Variants in MNT observed in about 807,000 individuals in gnomAD.
MNT encodes the protein MAX network transcriptional repressor.
A neutral mutation model predicts 40.7 loss-of-function variants in MNT; 13 were observed. That is an observed-to-expected ratio of 0.32 (90% confidence interval 0.21 to 0.51). The LOEUF is 0.51. Ranked by LOEUF, MNT falls within the 20% of genes least tolerant of loss-of-function variation. The pLI is 0.98. For missense variants in MNT, 757 were observed against 792.0 expected, an observed-to-expected ratio of 0.96 and a Z score of 0.53; for synonymous variants, 426 against 354.8, an observed-to-expected ratio of 1.20 and a Z score of -2.26.
intron 4 of MNT, among the ~76,000 whole-genome samples, chr17:2,393,411 G>A (rs1428690745): frequency 2.6e-5 from 4 of 152,222 alleles, no homozygotes; most frequent in Non-Finnish European, 5.9e-5. Flanking sequence ...CCTAGCCCAG[G>A]AGGAAGGAAA....
chr17:2,394,063 T>A lies in MNT; in HGVS notation c.787A>T (p.Thr263Ser). The change falls in exon 4 of 6, where the codon ACG becomes TCG. Residue 263 changes from threonine (T) to serine (S), a missense_variant. Physicochemically the swap from Thr to Ser is moderately conservative, Grantham distance 58. Coordinates refer to ENST00000174618, the MANE Select transcript of MNT (RefSeq NM_020310.3). ...CATACCTGGATGTACCGCAGCGCCG[T>A]CCGCAGCACGCTCAGATTGGACGTC... ...KKTSNLSVLR[T>S]ALRYIQSLKR... The A allele has an allele frequency of 1.2e-6, 2 of 1,604,450 alleles. No individual in the cohort carries two copies. Among genetic ancestry groups the A allele is most frequent in the Non-Finnish European group, 1.7e-6 (2 of 1,176,122 alleles).
At chr17:2,395,598 C>A in intron 1 of MNT, 144 bp from the exon 2 acceptor site, 1 of 1,435,446 alleles carries the variant, frequency 7.0e-7, no homozygotes, top group Non-Finnish European at 9.2e-7. Flanking sequence ...ACCAGCCCAG[C>A]CAGGCACGGG....
At position 2,394,261 on chromosome 17, in the gene MNT, G is replaced by GCA. The variant is rs779928089; in HGVS notation, c.695+43_695+44insTG. The GCA allele has an allele frequency of 2.6e-6, 4 of 1,530,172 alleles. No individual in the cohort carries two copies. The African/African-American group carries it at 7.2e-5, about 28-fold the overall frequency. The allele number at this position is 1,530,172 out of a possible 1,614,324, so 94.8% of individuals were successfully genotyped here. A position where few individuals can be genotyped will look rare whatever the true frequency, so the allele number is the denominator to read the frequency against. ...CGAGGGCCGCCGGGGCCCGGGTCGC[G>GCA]CGCGCACGCACGCACGCACACACAC... On this transcript the variant is annotated intron_variant, in intron 3 of 5. Coordinates refer to ENST00000174618, the MANE Select transcript of MNT (RefSeq NM_020310.3).
chr17:2,398,638 G>C (rs2066593019), intron 1 of MNT, among the ~76,000 whole-genome samples: 1 of 152,172 alleles, frequency 6.6e-6, no homozygotes, highest in Non-Finnish European at 1.5e-5. Flanking sequence ...ACCTCTGACC[G>C]GCACACAGAA....
chr17:2,392,853 C>T (rs1030619854), intron 4 of MNT: 3 of 152,066 alleles, frequency 2.0e-5, no homozygotes, highest in African/African-American at 7.2e-5. Flanking sequence ...CAGCCCCGCC[C>T]CCTGGCCGGG....
rs750773922 is a variant in MNT at position 2,387,429 on chromosome 17, G to A, written c.1221C>T (p.Thr407=). ...GTGGGGGAGGAGGGGCTGGCAGAGG[G>A]GTCTTCTGCTGTGGCTGCTGCTGCT... ...PVQQQQPQQK[T]PLPAPPPPPA... Residue 407 remains threonine, a synonymous_variant, in exon 6 of 6, where the codon ACC becomes ACT. Transcript: ENST00000174618. 29 of 1,612,014 alleles carry A rather than the reference G, an allele frequency of 1.8e-5. No individual in the cohort carries two copies. The East Asian group carries it at 4.7e-4, about 26-fold the overall frequency.
At chr17:2,399,669 G>A (rs1454618550) in intron 1 of MNT, among the ~76,000 whole-genome samples, 2 of 151,994 alleles carry the variant, frequency 1.3e-5, no homozygotes, top group African/African-American at 2.4e-5. Context: ...GCCCCCGGCC[G>A]AGCGCGAGGC....
chr17:2,387,797 G>C, intron 5 of MNT, 60 bp downstream of exon 5: 1 of 1,552,538 alleles, frequency 6.4e-7, no homozygotes, highest in Non-Finnish European at 8.7e-7. Flanking sequence ...GGCCAGGGAG[G>C]CTGGAATTTG....
rs1436542398 is a variant in MNT at position 2,395,258 on chromosome 17, A to G, written c.270T>C (p.Pro90=). Residue 90 remains proline (P), a synonymous_variant, in exon 2 of 6, where the codon CCT becomes CCC. Coordinates refer to ENST00000174618, the MANE Select transcript of MNT (RefSeq NM_020310.3). ...GAGGGGAGTTGGTCACCACAGGGAT[A>G]GGGATGACAGTCAGTGGGGCAGGGG... ...LATPAPLTVI[P]IPVVTNSPQP... is the part of the protein sequence containing the mutation. 2.3e-6 allele frequency: 3 copies of G among 1,292,938 alleles called. No individual in the cohort carries two copies. Among genetic ancestry groups the G allele is most frequent in the South Asian group, 2.5e-5 (2 of 78,930 alleles). 80.1% of individuals were successfully genotyped at this position (1,292,938 alleles called of 1,614,324 possible).
chr17:2,394,277 G>GCGCACACA lies in MNT; in HGVS notation c.695+27_695+28insTGTGTGCG, dbSNP rs1555611876. ...CCGGGTCGCGCGCGCACGCACGCACGCACACACACACACACACACACACAC... is the reference window on the plus strand; with the variant it reads ...CCGGGTCGCGCGCGCACGCACGCACGCGCACACACACACACACACACACACACACACAC... On this transcript the variant is annotated intron_variant, in intron 3 of 5. Coordinates refer to ENST00000174618, the MANE Select transcript of MNT (RefSeq NM_020310.3). The GCGCACACA allele has an allele frequency of 7.2e-4, 1,070 of 1,489,282 alleles. 1 individual carries two copies. The African/African-American group carries it at 0.012, about 16-fold the overall frequency. The allele number at this position is 1,489,282 out of a possible 1,614,324, so 92.3% of individuals were successfully genotyped here.
Position 2,400,793 on chromosome 17 carries a change from A to AGGAG in MNT, c.-85_-82dup, listed in dbSNP as rs2066610035. ...GCACAGGTCAGGCTGGCGGGCAGGC[A>AGGAG]GGAGGGAGGGATCACCTCCGGGGGG... On this transcript the variant is annotated 5_prime_UTR_variant, in exon 1 of 6. Transcript: ENST00000174618. 2.4e-6 allele frequency: 3 copies of AGGAG among 1,270,792 alleles called. No individual in the cohort carries two copies. The highest frequency in any genetic ancestry group is 3.1e-6 in the Non-Finnish European group (3 of 959,536). 78.7% of individuals were successfully genotyped at this position (1,270,792 alleles called of 1,614,324 possible). A position where few individuals can be genotyped will look rare whatever the true frequency, so the allele number is the denominator to read the frequency against.
chr17:2,386,527 C>T lies in MNT; in HGVS notation c.*374G>A, dbSNP rs909602081. 7 of 212,248 alleles carry T rather than the reference C, an allele frequency of 3.3e-5. No individual in the cohort carries two copies. The highest frequency in any genetic ancestry group is 1.6e-4 in the African/African-American group (7 of 43,454). 13.1% of individuals were successfully genotyped at this position (212,248 alleles called of 1,614,324 possible). On this transcript the variant is annotated 3_prime_UTR_variant, in exon 6 of 6. Coordinates refer to ENST00000174618, the MANE Select transcript of MNT (RefSeq NM_020310.3). ...GGGCCTGGGCCACCTCACCAGACAG[C>T]AATAGCAGCAGCAGCACACGAAGGC...
At chr17:2,393,297 C>T (rs1403469501) in intron 4 of MNT, among the ~76,000 whole-genome samples, 8 of 152,110 alleles carry the variant, frequency 5.3e-5, no homozygotes, top group African/African-American at 1.7e-4. Context: ...ATGGCAACCG[C>T]CTGACGTGGC....
At position 2,386,823 on chromosome 17, in the gene MNT, T is replaced by C. The variant is rs1283639328; in HGVS notation, c.*78A>G. On this transcript the variant is annotated 3_prime_UTR_variant, in exon 6 of 6. Coordinates refer to ENST00000174618, the MANE Select transcript of MNT (RefSeq NM_020310.3). Reference sequence around the variant, plus strand: ...GGCTGGCCTGGGCCTGGCTGGAATGTGTGGAGCTGGTGGGTGAGAGAGTGG... The same window carrying C: ...GGCTGGCCTGGGCCTGGCTGGAATGCGTGGAGCTGGTGGGTGAGAGAGTGG... 1 of 1,379,802 alleles carries C rather than the reference T, an allele frequency of 7.2e-7. No individual in the cohort carries two copies. Among genetic ancestry groups the C allele is most frequent in the African/African-American group, 1.5e-5 (1 of 67,832 alleles). 85.5% of individuals were successfully genotyped at this position (1,379,802 alleles called of 1,614,324 possible). A position where few individuals can be genotyped will look rare whatever the true frequency, so the allele number is the denominator to read the frequency against.
At chr17:2,389,395 C>A (rs1228399351) in intron 4 of MNT, 1 of 152,220 alleles carries the variant, frequency 6.6e-6, no homozygotes, top group Non-Finnish European at 1.5e-5. Flanking sequence ...CCTGCCTCAG[C>A]CTCCTGAGCA....
chr17:2,396,702 C>T (rs1321426241), intron 1 of MNT: 3 of 152,358 alleles, frequency 2.0e-5, no homozygotes, highest in Non-Finnish European at 4.4e-5. Flanking sequence ...TTCTGGTTCC[C>T]TGGCTACGGG....
At chr17:2,392,993 G>T (rs940929688) in intron 4 of MNT, among the ~76,000 whole-genome samples, 1 of 152,122 alleles carries the variant, frequency 6.6e-6, no homozygotes, top group Non-Finnish European at 1.5e-5. Flanking sequence ...TGACCCCGCG[G>T]TCGAGGCCGG....
chr17:2,386,846 T>G lies in MNT; in HGVS notation c.*55A>C. ...TGTGTGGAGCTGGTGGGTGAGAGAG[T>G]GGGGGACAGGTCCCCCTCCCTGTCC... On this transcript the variant is annotated 3_prime_UTR_variant, in exon 6 of 6. Transcript: ENST00000174618. 3 of 1,420,482 alleles carry G rather than the reference T, an allele frequency of 2.1e-6. No homozygotes were observed. Among genetic ancestry groups the G allele is most frequent in the Non-Finnish European group, 1.9e-6 (2 of 1,078,862 alleles). The allele number at this position is 1,420,482 out of a possible 1,614,324, so 88.0% of individuals were successfully genotyped here.
rs754088582 is a variant in MNT at position 2,400,736 on chromosome 17, C to CGCCGGG, written c.-30_-25dup. ...ATCGCGCCGAGAGCTGCCGGGGGCG[C>CGCCGGG]GCCGGGGCCGAGGCTGCGGCCCGCG... On this transcript the variant is annotated 5_prime_UTR_variant, in exon 1 of 6. Transcript: ENST00000174618. 6.6e-7 allele frequency: 1 copy of CGCCGGG among 1,520,398 alleles called. No homozygotes were observed. The allele number at this position is 1,520,398 out of a possible 1,614,324, so 94.2% of individuals were successfully genotyped here.
Sources: allele counts gnomAD v4.1 joint callset (sites outside exome capture counted in the v4.1 genomes callset), GRCh38; gene constraint gnomAD v4.1.1; transcripts MANE v1.5; gene names NCBI Gene and HGNC (gene_info 2026-07-23, HGNC 2026-07-21).